Variants in RIF1 observed in about 807,000 individuals in gnomAD.
The protein encoded by RIF1 is telomere-associated protein RIF1.
RIF1 carries 45 observed loss-of-function variants against 247.1 expected under a neutral mutation model. The ratio of observed to expected loss-of-function variants is 0.18; its 90% CI spans 0.14 to 0.23. RIF1 has a LOEUF of 0.23. RIF1 is among the 10% of genes least tolerant of loss of function. RIF1 has a pLI of 1.00. For synonymous variants in RIF1, 1,087 were observed against 978.8 expected, an observed-to-expected ratio of 1.11 and a Z score of -2.06; for missense variants, 2,967 against 2,862.5, an observed-to-expected ratio of 1.04 and a Z score of -0.83.
rs146224061 is a variant in RIF1, at chr2:151,454,243, G to A, written c.2345-652G>A. ...TGATTGAGAGAAACAAGTAATTTTG[G>A]AATGGGTAAATTTTTTGGGCAAGGG... is the stretch of plus-strand genomic sequence containing the variant. On this transcript the variant is annotated intron_variant, in intron 21 of 35. Transcript: ENST00000444746. Among the ~76,000 whole-genome samples the A allele has an allele frequency of 1.8e-3, 271 of 152,266 alleles. 2 individuals are homozygous for A. Among genetic ancestry groups the A allele is most frequent in the African/African-American group, 6.3e-3 (260 of 41,544 alleles).
In RIF1 at chr2:151,497,619, A is replaced by G. The variant is rs2152972231; in HGVS notation, c.*514-1726A>G. The G allele has an allele frequency of 6.4e-7, 1 of 1,564,548 alleles. No individual in the cohort carries two copies. Among genetic ancestry groups the G allele is most frequent in the South Asian group, 1.2e-5 (1 of 84,428 alleles). ...TAAGTAGTTTTTTTCTTTTCTTGCC[A>G]AAGTACCGAGCTAATATTTTCTTGA... On this transcript the variant is annotated intron_variant and NMD_transcript_variant, in intron 10 of 13. Transcript: ENST00000454583.
rs780572826 is a variant in RIF1 at position 151,411,310 on chromosome 2, A to C, written c.155A>C (p.Lys52Thr). Residue 52 changes from lysine to threonine, a missense_variant, in exon 3 of 36, where the codon AAA becomes ACA. By Grantham distance (78) the Lys-to-Thr change is moderately conservative. Around this residue, in one of 7 missense-constraint regions of RIF1, gnomAD observed 269 missense variants for 288.6 expected, o/e 0.93. Coordinates refer to ENST00000444746, the MANE Select transcript of RIF1 (RefSeq NM_018151.5). ...GAAGTAATTACAGAAATTGAGAAAA[A>C]ACTTCCTCGGCTGTACAAAGTTTTA... ...GKEVITEIEK[K>T]LPRLYKVLKT... The C allele has an allele frequency of 6.2e-7, 1 of 1,603,354 alleles. No homozygotes were observed. Among genetic ancestry groups the C allele is most frequent in the Admixed American group, 1.7e-5 (1 of 59,314 alleles).
chr2:151,475,301 T>C lies in RIF1; in HGVS notation c.*230T>C. The C allele has an allele frequency of 2.1e-6, 1 of 466,308 alleles. No individual in the cohort carries two copies. The highest frequency in any genetic ancestry group is 2.5e-5 in the South Asian group (1 of 40,596). 28.9% of individuals were successfully genotyped at this position (466,308 alleles called of 1,614,324 possible). A position where few individuals can be genotyped will look rare whatever the true frequency, so the allele number is the denominator to read the frequency against. On this transcript the variant is annotated 3_prime_UTR_variant, in exon 36 of 36. Coordinates refer to ENST00000444746, the MANE Select transcript of RIF1 (RefSeq NM_018151.5). ...ATTCTTGGCTGCTATGCGTGGTTTT[T>C]CAGGAAATTTAATTATCTTACTGAG... is the stretch of plus-strand genomic sequence containing the variant.
chr2:151,514,533 G>GT, the RIF1 span: 2 of 896,538 alleles, frequency 2.2e-6, no homozygotes, highest in African/African-American at 3.3e-5. Context: ...AGGGTTCACA[G>GT]TTTAGTAAGT....
Position 151,443,322 on chromosome 2 carries a change from G to C in RIF1, c.1798G>C (p.Asp600His). Reference sequence around the variant, plus strand: ...CAATTTCTTGGAATGTGGTGTATCAGATGAAAGGTAAGTTTGTACTTTAAC... The same window carrying C: ...CAATTTCTTGGAATGTGGTGTATCACATGAAAGGTAAGTTTGTACTTTAAC... Reference protein sequence around the residue: ...FNNFLECGVSDERFFLSLESL... With the variant: ...FNNFLECGVSHERFFLSLESL... Residue 600 changes from aspartate to histidine, a missense_variant, in exon 17 of 36, where the codon GAT becomes CAT. Transcript: ENST00000444746. The C allele has an allele frequency of 6.3e-7, 1 of 1,585,438 alleles. No individual in the cohort carries two copies. Among genetic ancestry groups the C allele is most frequent in the Non-Finnish European group, 8.7e-7 (1 of 1,155,752 alleles).
rs375458245 is a variant in RIF1 at position 151,505,830 on chromosome 2, G to T, written c.*862-380G>T. 9.2e-6 allele frequency: 5 copies of T among 546,388 alleles called. No homozygotes were observed. The East Asian group carries it at 1.2e-4, about 14-fold the overall frequency. The allele number at this position is 546,388 out of a possible 1,614,324, so 33.8% of individuals were successfully genotyped here. On this transcript the variant is annotated intron_variant and NMD_transcript_variant, in intron 12 of 13. Coordinates refer to the RIF1 transcript ENST00000454583. ...CCTATTTAGACTGCAGCCCTTTCCTGTATACTCCAATGTCTTTATGCCCAG... is the reference window on the plus strand; with the variant it reads ...CCTATTTAGACTGCAGCCCTTTCCTTTATACTCCAATGTCTTTATGCCCAG...
intron 34 of RIF1, among the ~76,000 whole-genome samples, chr2:151,472,149 A>C (rs2048584753): frequency 1.3e-5 from 2 of 151,988 alleles, no homozygotes; most frequent in Non-Finnish European, 2.9e-5. Context: ...ATGGGAGTTC[A>C]CTCATGATTT....
At chr2:151,461,917 A>G (rs530700400) in intron 27 of RIF1, among the ~76,000 whole-genome samples, 1 of 152,260 alleles carries the variant, frequency 6.6e-6, no homozygotes, top group East Asian at 1.9e-4. Context: ...TCTGTTACCC[A>G]GGCTGGAGTG....
At chr2:151,527,568 C>G in the RIF1 span, 3 of 1,612,338 alleles carry the variant, frequency 1.9e-6, no homozygotes, top group Non-Finnish European at 2.5e-6. Flanking sequence ...TGGCTTCGTA[C>G]TGTTTCTTAT....
At chr2:151,445,079 A>C (rs1693015196) in intron 18 of RIF1, among the ~76,000 whole-genome samples, 1 of 152,170 alleles carries the variant, frequency 6.6e-6, no homozygotes, top group African/African-American at 2.4e-5. Context: ...GTGCCTATCC[A>C]AATTTTCCTC....
Position 151,469,700 on chromosome 2 carries a change from G to A in RIF1, c.6942-11G>A, listed in dbSNP as rs1158099127. ...TATATAATTATAATTTCCTGTTTCT[G>A]TTTTGTTTAGGGCAAGAGGCCTGGG... On this transcript the variant is annotated splice_polypyrimidine_tract_variant and intron_variant, in intron 33 of 35. Coordinates refer to ENST00000444746, the MANE Select transcript of RIF1 (RefSeq NM_018151.5). The A allele has an allele frequency of 1.3e-6, 2 of 1,516,108 alleles. No homozygotes were observed. The highest frequency in any genetic ancestry group is 1.4e-5 in the African/African-American group (1 of 71,144). The allele number at this position is 1,516,108 out of a possible 1,614,324, so 93.9% of individuals were successfully genotyped here.
At chr2:151,458,564 T>C (rs1350658297) in intron 24 of RIF1, among the ~76,000 whole-genome samples, 1 of 152,094 alleles carries the variant, frequency 6.6e-6, no homozygotes, top group Non-Finnish European at 1.5e-5. Flanking sequence ...ATGAATACTT[T>C]ATATAATATT....
rs767405116 is a variant in RIF1, at chr2:151,423,000, C to T, written c.744C>T (p.Tyr248=). The change falls in exon 8 of 36, where the codon TAC becomes TAT. Residue 248 remains tyrosine, a synonymous_variant. Coordinates refer to ENST00000444746, the MANE Select transcript of RIF1 (RefSeq NM_018151.5). ...QKLFMSKNET[Y]VLKLWPLFVK... ...TATTTATGAGTAAAAATGAGACTTA[C>T]GTGTTAAAATTATGGCCTTTGTTTG... 2.5e-6 allele frequency: 4 copies of T among 1,599,216 alleles called. No individual in the cohort carries two copies. The highest frequency in any genetic ancestry group is 3.4e-6 in the Non-Finnish European group (4 of 1,168,486).
intron 11 of RIF1, 61 bp from the exon 12 acceptor site, chr2:151,436,766 T>G: frequency 7.5e-6 from 9 of 1,205,626 alleles, no homozygotes; most frequent in South Asian, 1.6e-5. Context: ...AATGTATGCA[T>G]TTGGGTAGCT....
chr2:151,415,735 G>T (rs1687107453), intron 4 of RIF1, among the ~76,000 whole-genome samples: 1 of 151,858 alleles, frequency 6.6e-6, no homozygotes, highest in Admixed American at 6.6e-5. Context: ...AAATTAGCTG[G>T]GTGTGGTGGC....
intron 9 of RIF1, among the ~76,000 whole-genome samples, chr2:151,432,611 C>G (rs1690371147): frequency 6.6e-6 from 1 of 152,130 alleles, no homozygotes; most frequent in Admixed American, 6.5e-5. Context: ...GCTTCCGTTT[C>G]TTTGTCAAAT....
chr2:151,491,859 C>T (rs2056862370), intron 9 of RIF1: 1 of 1,164,026 alleles, frequency 8.6e-7, no homozygotes, highest in Non-Finnish European at 1.2e-6. Flanking sequence ...TTAACAACCA[C>T]CAAAGGATTG....
intron 30 of RIF1, 74 bp from the exon 31 acceptor site, chr2:151,467,926 C>T: frequency 7.0e-7 from 1 of 1,433,080 alleles, no homozygotes; most frequent in Non-Finnish European, 9.5e-7. Flanking sequence ...TGGGTAACCT[C>T]ATAATGAAAA....
intron 3 of RIF1, 31 bp downstream of exon 3, chr2:151,411,369 CT>C (rs1553471657): frequency 7.4e-7 from 1 of 1,344,058 alleles, no homozygotes; most frequent in Non-Finnish European, 1.0e-6. Context: ...CAGTTTTTCA[CT>C]TTTGGTAGTT....
Sources: gnomAD v4.1 joint callset for allele counts (sites outside exome capture counted in the v4.1 genomes callset) on GRCh38, gnomAD v4.1.1 for gene constraint, gnomAD v4.1.1 regional missense constraint, MANE v1.5 for transcripts, NCBI Gene and HGNC (gene_info 2026-07-23, HGNC 2026-07-21) for gene names.